Variants in PCDH7 observed in about 807,000 individuals in gnomAD.
PCDH7 encodes protocadherin 7, also known as protocadherin-7.
PCDH7 carries 17 observed loss-of-function variants against 58.9 expected under a neutral mutation model. The observed-to-expected ratio is 0.29, with a 90% CI of 0.20 to 0.43. PCDH7 has a LOEUF of 0.43. Ranked by LOEUF, PCDH7 falls within the 20% of genes least tolerant of loss-of-function variation. PCDH7 has a pLI of 1.00. For synonymous variants in PCDH7, 664 were observed against 616.4 expected (o/e 1.08, Z -1.14); for missense variants, 1,274 against 1,441.0 (o/e 0.88, Z 1.88).
chr4:30,760,172 CA>C (rs1388184508), intron 1 of PCDH7, among the ~76,000 whole-genome samples: 1 of 152,170 alleles, frequency 6.6e-6, no homozygotes, highest in Non-Finnish European at 1.5e-5. Context: ...CCTTCTATCA[CA>C]AAAATTTCTC....
At chr4:30,976,467 C>T (rs1055435629) in intron 3 of PCDH7, among the ~76,000 whole-genome samples, 2 of 138,316 alleles carry the variant, frequency 1.4e-5, no homozygotes, top group East Asian at 2.2e-4. Flanking sequence ...ATGGCTTGAT[C>T]TTGGCTCACT....
At chr4:30,862,603 G>A (rs1337632595) in intron 1 of PCDH7, among the ~76,000 whole-genome samples, 2 of 152,110 alleles carry the variant, frequency 1.3e-5, no homozygotes, top group African/African-American at 4.8e-5. Flanking sequence ...AATATCTTAT[G>A]CCAATTGCAA....
At chr4:30,821,274 G>T (rs1029867918) in intron 1 of PCDH7, among the ~76,000 whole-genome samples, 27 of 152,242 alleles carry the variant, frequency 1.8e-4, no homozygotes, top group African/African-American at 5.5e-4. Flanking sequence ...ATCACCTAAA[G>T]TGTTGTTCTC....
chr4:31,137,766 C>T lies in PCDH7; in HGVS notation c.*8-4707C>T, dbSNP rs1390365978. Among the ~76,000 whole-genome samples the T allele has an allele frequency of 3.3e-5, 5 of 151,918 alleles. No individual in the cohort carries two copies. In the East Asian group the frequency reaches 7.7e-4, roughly 23 times the overall value. ...TTAACAATCCGTTTATCTCACATGG[C>T]CAGCAAATTAAATAATATGTGAGTT... On this transcript the variant is annotated intron_variant, in intron 3 of 3. Coordinates refer to the PCDH7 transcript ENST00000509759.
At chr4:31,130,479 C>T (rs1718843045) in intron 3 of PCDH7, among the ~76,000 whole-genome samples, 1 of 152,138 alleles carries the variant, frequency 6.6e-6, no homozygotes, top group Non-Finnish European at 1.5e-5. Flanking sequence ...AGCACAAATG[C>T]AGCAAGTCTA....
chr4:30,912,982 C>A (rs1578264979), intron 1 of PCDH7, among the ~76,000 whole-genome samples: 1 of 151,386 alleles, frequency 6.6e-6, no homozygotes, highest in Admixed American at 6.6e-5. Context: ...ATTAATCTAA[C>A]CAGGATGGAT....
intron 3 of PCDH7, among the ~76,000 whole-genome samples, chr4:31,054,991 C>A (rs1459800991): frequency 6.6e-6 from 1 of 151,910 alleles, no homozygotes; most frequent in Non-Finnish European, 1.5e-5. Context: ...GGCTTGCTTT[C>A]TTCTTCTTTT....
At chr4:31,114,992 T>G (rs1179822650) in intron 3 of PCDH7, among the ~76,000 whole-genome samples, 1 of 152,204 alleles carries the variant, frequency 6.6e-6, no homozygotes, top group East Asian at 1.9e-4. Flanking sequence ...ATATTCATTA[T>G]TGCCGCTGTA....
intron 3 of PCDH7, among the ~76,000 whole-genome samples, chr4:30,952,522 A>G (rs1172738963): frequency 6.6e-6 from 1 of 152,126 alleles, no homozygotes; most frequent in African/African-American, 2.4e-5. Flanking sequence ...GGAAAGGTGA[A>G]TTAGGAGTAA....
intron 1 of PCDH7, among the ~76,000 whole-genome samples, chr4:30,755,083 G>A (rs1019665602): frequency 9.9e-5 from 15 of 152,070 alleles, no homozygotes; most frequent in African/African-American, 3.6e-4. Context: ...TGTAGAGCTG[G>A]GTTGGAACCT....
rs1208045551 is a variant in PCDH7 at position 31,097,622 on chromosome 4, ATATATATATAT to A, written c.*8-44850_*8-44840del. 1.3e-3 allele frequency among the ~76,000 whole-genome samples: 51 copies of A among 40,346 alleles called. 3 individuals are homozygous for A. The East Asian group carries it at 0.014, about 11-fold the overall frequency. The allele number at this position is 40,346 out of a possible 152,430, so 26.5% of individuals were successfully genotyped here. ...TATATATATATATATATATATATAT[ATATATATATAT>A]ATATAAATCTTTTTTCTGTAATTTC... On this transcript the variant is annotated intron_variant, in intron 3 of 3. Coordinates refer to the PCDH7 transcript ENST00000509759.
chr4:31,044,832 G>A (rs1756155630), intron 3 of PCDH7, among the ~76,000 whole-genome samples: 1 of 152,110 alleles, frequency 6.6e-6, no homozygotes, highest in Non-Finnish European at 1.5e-5. Flanking sequence ...CTTTTCAGGA[G>A]GAGGGAGATA....
intron 3 of PCDH7, among the ~76,000 whole-genome samples, chr4:31,101,940 A>G (rs1483064076): frequency 6.6e-6 from 1 of 152,198 alleles, no homozygotes; most frequent in Non-Finnish European, 1.5e-5. Flanking sequence ...TGCCTTAACA[A>G]ACTCATCTTT....
intron 3 of PCDH7, among the ~76,000 whole-genome samples, chr4:31,053,247 C>T (rs1756899199): frequency 6.6e-6 from 1 of 152,092 alleles, no homozygotes; most frequent in Non-Finnish European, 1.5e-5. Context: ...AAAACACTAC[C>T]CCCTACCCAA....
intron 3 of PCDH7, among the ~76,000 whole-genome samples, chr4:31,016,325 G>A (rs1052221594): frequency 6.6e-6 from 1 of 151,800 alleles, no homozygotes; most frequent in Non-Finnish European, 1.5e-5. Context: ...AGAAAATTTG[G>A]CTCCTGTTAA....
At chr4:31,144,660 T>A (rs1018546151), downstream of PCDH7, 8 of 152,112 alleles carry the variant, frequency 5.3e-5, no homozygotes, top group African/African-American at 1.9e-4. Flanking sequence ...TCACTATAGG[T>A]CTTCAAAATA....
chr4:30,721,796 A>T lies in PCDH7; in HGVS notation c.374A>T (p.Asp125Val). Residue 125 changes from aspartate to valine, a missense_variant, in exon 1 of 2, where the codon GAC becomes GTC. Transcript: ENST00000361762. This position sits in a 1 kb window ranked among gnomAD's most constrained non-coding sequence, Gnocchi z 6.7. ...ATCGGGCCCTCGCAGAGCTGGGTGG[A>T]CCTGTTTGAGGGTCAGGTCATCGTG... 6.2e-7 allele frequency: 1 copy of T among 1,612,974 alleles called. No homozygotes were observed. Among genetic ancestry groups the T allele is most frequent in the Non-Finnish European group, 8.5e-7 (1 of 1,179,740 alleles).
chr4:31,140,852 G>A (rs1389892687), intron 3 of PCDH7, among the ~76,000 whole-genome samples: 1 of 152,166 alleles, frequency 6.6e-6, no homozygotes, highest in Non-Finnish European at 1.5e-5. Flanking sequence ...TCACTTGTAA[G>A]TCAAATGGCA....
rs571114258 is a variant in PCDH7, at chr4:31,098,179, G to C, written c.*8-44294G>C. Among the ~76,000 whole-genome samples the C allele has an allele frequency of 3.3e-5, 5 of 152,270 alleles. No homozygotes were observed. The East Asian group carries it at 9.7e-4, about 29-fold the overall frequency. On this transcript the variant is annotated intron_variant, in intron 3 of 3. Coordinates refer to the PCDH7 transcript ENST00000509759. ...ACGCAGGGATGTCACTGCCCACATGGGCAGGCCAGGGTCACTAGTTAAAAT... is the reference window on the plus strand; with the variant it reads ...ACGCAGGGATGTCACTGCCCACATGCGCAGGCCAGGGTCACTAGTTAAAAT...
Sources: allele counts gnomAD v4.1 joint callset (sites outside exome capture counted in the v4.1 genomes callset), GRCh38; gene constraint gnomAD v4.1.1; non-coding constraint Gnocchi (gnomAD v3.1); transcripts MANE v1.5; gene names NCBI Gene and HGNC (gene_info 2026-07-23, HGNC 2026-07-21).